MRAP2: variants seen among roughly 807,000 people sequenced by gnomAD.
MRAP2 encodes the protein melanocortin 2 receptor accessory protein 2.
In MRAP2, 20 loss-of-function variants were observed where a neutral mutation model predicts 17.4. The observed-to-expected ratio is 1.15, with a 90% CI of 0.81 to 1.67. The LOEUF is 1.67. MRAP2 is among the 40% of genes most tolerant of loss of function. The pLI is 0.00. For synonymous variants in MRAP2, 96 were observed against 88.4 expected (o/e 1.09, Z -0.48); for missense variants, 238 against 240.0 (o/e 0.99, Z 0.05).
chr6:84,039,348 G>A (rs1483141313), intron 1 of MRAP2, among the ~76,000 whole-genome samples: 1 of 152,168 alleles, frequency 6.6e-6, no homozygotes, highest in Non-Finnish European at 1.5e-5. Flanking sequence ...TTATTTTGGA[G>A]ACCAACTTTC....
chr6:84,093,658 G>C (rs559076028), downstream of MRAP2, among the ~76,000 whole-genome samples: 5 of 152,278 alleles, frequency 3.3e-5, no homozygotes, highest in African/African-American at 1.2e-4. Context: ...GTTTTATCAG[G>C]GCATGTATAG....
rs1393064628 is a variant in MRAP2, at chr6:84,089,572, G to C, written c.*91G>C. ...CATCCACCAAAATTGTGTGTGTTTG[G>C]GGGAGAGAGAGACATAGAGATAGAG... On this transcript the variant is annotated 3_prime_UTR_variant, in exon 4 of 4. Coordinates refer to ENST00000257776, the MANE Select transcript of MRAP2 (RefSeq NM_138409.4). 1.4e-6 allele frequency: 2 copies of C among 1,430,084 alleles called. No homozygotes were observed. The highest frequency in any genetic ancestry group is 2.9e-5 in the African/African-American group (2 of 68,668). 88.6% of individuals were successfully genotyped at this position (1,430,084 alleles called of 1,614,324 possible). A position where few individuals can be genotyped will look rare whatever the true frequency, so the allele number is the denominator to read the frequency against.
chr6:84,037,289 G>C (rs945505250), intron 1 of MRAP2, among the ~76,000 whole-genome samples: 2 of 147,060 alleles, frequency 1.4e-5, no homozygotes, highest in Admixed American at 6.7e-5. Flanking sequence ...TAGATACAGA[G>C]TGCTGATTGG....
chr6:84,045,177 C>T (rs2099488655), intron 1 of MRAP2: 1 of 983,216 alleles, frequency 1.0e-6, no homozygotes, highest in Admixed American at 6.1e-5. Flanking sequence ...AACCAAGCCC[C>T]CACAGATGCT....
At chr6:84,087,784 CTTA>C (rs1159365044) in intron 3 of MRAP2, among the ~76,000 whole-genome samples, 1 of 152,120 alleles carries the variant, frequency 6.6e-6, no homozygotes, top group East Asian at 1.9e-4. Flanking sequence ...GTTAACCTGG[CTTA>C]TTATTAAAAG....
At chr6:84,046,164 G>A (rs529507655) in intron 1 of MRAP2, among the ~76,000 whole-genome samples, 73 of 152,140 alleles carry the variant, frequency 4.8e-4, no homozygotes, top group Non-Finnish European at 9.0e-4. Flanking sequence ...CTACTTAGAG[G>A]GTGTTTAAGA....
At chr6:84,040,787 A>T (rs775628981) in intron 1 of MRAP2, among the ~76,000 whole-genome samples, 1 of 152,234 alleles carries the variant, frequency 6.6e-6, no homozygotes, top group African/African-American at 2.4e-5. Flanking sequence ...TGTCTGGTAG[A>T]AGAAATTCCT....
chr6:84,088,883 A>T (rs2099501127), intron 3 of MRAP2, among the ~76,000 whole-genome samples: 1 of 152,116 alleles, frequency 6.6e-6, no homozygotes, highest in Non-Finnish European at 1.5e-5. Context: ...GGGGGCCCTC[A>T]TCTTGAAGCC....
chr6:84,068,682 G>A (rs372418280), intron 3 of MRAP2, among the ~76,000 whole-genome samples: 12 of 151,404 alleles, frequency 7.9e-5, no homozygotes, highest in Non-Finnish European at 1.5e-4. Context: ...TTGTAAAAGG[G>A]GATTAAGTTC....
chr6:84,108,521 T>C, the MRAP2 span, among the ~76,000 whole-genome samples: 1 of 152,110 alleles, frequency 6.6e-6, no homozygotes, highest in Non-Finnish European at 1.5e-5. Flanking sequence ...TACTTTTTAG[T>C]GGGGTTGTTT....
At chr6:84,054,418 A>G (rs994271390) in intron 1 of MRAP2, among the ~76,000 whole-genome samples, 7 of 152,252 alleles carry the variant, frequency 4.6e-5, no homozygotes, top group African/African-American at 1.7e-4. Flanking sequence ...CAGTTAACAA[A>G]GATACTTGGG....
At chr6:84,133,179 A>AGAACAGCAAATG in the MRAP2 span, among the ~76,000 whole-genome samples, 1 of 152,160 alleles carries the variant, frequency 6.6e-6, no homozygotes, top group African/African-American at 2.4e-5. Context: ...AACAGCAAAT[A>AGAACAGCAAATG]TTGCAGAACA....
At chr6:84,036,958 C>T (rs1429272910) in intron 1 of MRAP2, among the ~76,000 whole-genome samples, 1 of 151,928 alleles carries the variant, frequency 6.6e-6, no homozygotes, top group Non-Finnish European at 1.5e-5. Flanking sequence ...AAACTTTGAG[C>T]TAGACACAGG....
the MRAP2 span, among the ~76,000 whole-genome samples, chr6:84,111,148 G>C: frequency 1.3e-5 from 2 of 152,052 alleles, no homozygotes. Flanking sequence ...AAGAAAGTCA[G>C]TGGTAGCTTG....
At chr6:84,084,918 TTTATTTTATTTTAC>T (rs2099499977) in intron 3 of MRAP2, among the ~76,000 whole-genome samples, 1 of 94,582 alleles carries the variant, frequency 1.1e-5, no homozygotes, top group Non-Finnish European at 2.0e-5. Context: ...ATTTTATTTA[TTTATTTTATTTTAC>T]TTTATTTTAT....
At chr6:84,107,099 T>G in the MRAP2 span, among the ~76,000 whole-genome samples, 1 of 152,166 alleles carries the variant, frequency 6.6e-6, no homozygotes, top group Non-Finnish European at 1.5e-5. Flanking sequence ...CCATTGGATC[T>G]GCTGGATCAT....
chr6:84,133,807 G>A, the MRAP2 span, among the ~76,000 whole-genome samples: 3 of 152,076 alleles, frequency 2.0e-5, no homozygotes, highest in African/African-American at 4.8e-5. Context: ...GACCCCTTGC[G>A]CTTCCTGGGT....
chr6:84,064,618 G>A (rs1175156634), intron 3 of MRAP2, among the ~76,000 whole-genome samples: 1 of 152,144 alleles, frequency 6.6e-6, no homozygotes, highest in Non-Finnish European at 1.5e-5. Flanking sequence ...CTCCCCAGTA[G>A]CTGGGACTAC....
At chr6:84,062,327 C>T (rs553541281) in intron 2 of MRAP2, among the ~76,000 whole-genome samples, 8 of 152,298 alleles carry the variant, frequency 5.3e-5, no homozygotes, top group South Asian at 2.1e-4. Context: ...CAGCTGTTTC[C>T]GTACCTTGCT....
Sources: allele counts gnomAD v4.1 joint callset (sites outside exome capture counted in the v4.1 genomes callset), GRCh38; gene constraint gnomAD v4.1.1; transcripts MANE v1.5; gene names NCBI Gene and HGNC (gene_info 2026-07-23, HGNC 2026-07-21).